The following TNPO1 variants were observed in gnomAD, a reference collection of about 807,000 sequenced individuals.
TNPO1 encodes transportin 1.
A neutral mutation model predicts 119.5 loss-of-function variants in TNPO1; 8 were observed. That is an observed-to-expected ratio of 0.07 (90% CI 0.04 to 0.12). The LOEUF is 0.12. TNPO1 is among the 10% of genes least tolerant of loss of function. TNPO1 has a pLI of 1.00. For missense variants in TNPO1, 576 were observed against 1,089.8 expected, an observed-to-expected ratio of 0.53 and a Z score of 6.64; for synonymous variants, 362 against 363.0, an observed-to-expected ratio of 1.00 and a Z score of 0.03.
intron 24 of TNPO1, among the ~76,000 whole-genome samples, chr5:72,907,128 G>T (rs1019725320): frequency 1.3e-5 from 2 of 152,068 alleles, no homozygotes; most frequent in Non-Finnish European, 1.5e-5. Context: ...CATATGTGTT[G>T]TCCTACTTCA....
chr5:72,825,470 G>A (rs1249111357), intron 1 of TNPO1, among the ~76,000 whole-genome samples: 2 of 152,170 alleles, frequency 1.3e-5, no homozygotes, highest in Non-Finnish European at 2.9e-5. Context: ...GGCGGATCAT[G>A]AGGTCAGGAG....
chr5:72,820,112 T>C (rs1256674863), intron 1 of TNPO1, among the ~76,000 whole-genome samples: 1 of 152,240 alleles, frequency 6.6e-6, no homozygotes, highest in African/African-American at 2.4e-5. Context: ...TGAGTAATTT[T>C]GTATTCTCAC....
intron 20 of TNPO1, among the ~76,000 whole-genome samples, chr5:72,898,027 TTTAA>T (rs1449614019): frequency 1.3e-5 from 2 of 152,152 alleles, no homozygotes; most frequent in Non-Finnish European, 2.9e-5. Flanking sequence ...AAGGAAATCT[TTTAA>T]TTATGAAGCA....
intron 4 of TNPO1, among the ~76,000 whole-genome samples, chr5:72,861,454 T>C (rs1040972354): frequency 2.5e-4 from 38 of 152,246 alleles, no homozygotes; most frequent in African/African-American, 8.9e-4. Context: ...CAGGCATGAG[T>C]GTGGTCTCAT....
chr5:72,819,902 AC>A (rs1743878928), intron 1 of TNPO1, among the ~76,000 whole-genome samples: 1 of 152,228 alleles, frequency 6.6e-6, no homozygotes, highest in Non-Finnish European at 1.5e-5. Context: ...ACATGTATTA[AC>A]TTTTCTATAA....
intron 6 of TNPO1, among the ~76,000 whole-genome samples, chr5:72,870,158 CTTTTTTTT>C (rs200118076): frequency 6.6e-5 from 7 of 106,174 alleles, no homozygotes; most frequent in Non-Finnish European, 1.2e-4. Context: ...ATACTAATTG[CTTTTTTTT>C]TTTTTTTTTT....
intron 1 of TNPO1, among the ~76,000 whole-genome samples, chr5:72,826,175 A>G (rs1744198711): frequency 6.6e-6 from 1 of 151,930 alleles, no homozygotes; most frequent in African/African-American, 2.4e-5. Context: ...ACCCTGTTTA[A>G]TACTATATTC....
At chr5:72,907,490 C>T (rs1253522930) in intron 24 of TNPO1, among the ~76,000 whole-genome samples, 5 of 152,112 alleles carry the variant, frequency 3.3e-5, no homozygotes, top group African/African-American at 1.2e-4. Context: ...GGATTAACTG[C>T]CCTCTGTGAA....
intron 18 of TNPO1, among the ~76,000 whole-genome samples, chr5:72,894,275 T>C (rs960031187): frequency 2.0e-5 from 3 of 152,066 alleles, no homozygotes; most frequent in Non-Finnish European, 4.4e-5. Flanking sequence ...TGATAAGAAA[T>C]TCCTTGAATG....
At chr5:72,816,810 G>A (rs1743712014) in intron 1 of TNPO1, 58 bp downstream of exon 1, 1 of 1,538,436 alleles carries the variant, frequency 6.5e-7, no homozygotes. Flanking sequence ...GAGGCTGGGA[G>A]CGCCGAGCTG....
intron 11 of TNPO1, among the ~76,000 whole-genome samples, chr5:72,884,026 A>G (rs1180897063): frequency 6.6e-6 from 1 of 152,100 alleles, no homozygotes; most frequent in Non-Finnish European, 1.5e-5. Flanking sequence ...CTAGGATTAC[A>G]GGCGTAAGCC....
chr5:72,832,399 C>A (rs773053543), intron 1 of TNPO1, among the ~76,000 whole-genome samples: 7 of 152,044 alleles, frequency 4.6e-5, no homozygotes, highest in Non-Finnish European at 4.4e-5. Flanking sequence ...TGCTACTATT[C>A]GTTCTATATT....
At chr5:72,825,273 TCTC>T (rs1297707510) in intron 1 of TNPO1, among the ~76,000 whole-genome samples, 1 of 152,178 alleles carries the variant, frequency 6.6e-6, no homozygotes, top group Non-Finnish European at 1.5e-5. Flanking sequence ...CCCTGTCACT[TCTC>T]CTGCAATGGC....
chr5:72,901,654 C>G (rs1749802812), intron 22 of TNPO1, among the ~76,000 whole-genome samples: 1 of 152,092 alleles, frequency 6.6e-6, no homozygotes, highest in Admixed American at 6.5e-5. Flanking sequence ...TGCCAATTTT[C>G]TAGACACACA....
chr5:72,905,240 A>ATC, intron 23 of TNPO1, 63 bp from the exon 24 acceptor site: 2 of 1,221,676 alleles, frequency 1.6e-6, no homozygotes, highest in Non-Finnish European at 2.4e-6. Context: ...TGGATTTCAG[A>ATC]AGCTATGCTG....
At chr5:72,868,103 T>A (rs1241373448) in intron 6 of TNPO1, among the ~76,000 whole-genome samples, 5 of 152,188 alleles carry the variant, frequency 3.3e-5, no homozygotes, top group African/African-American at 7.2e-5. Context: ...TTGTCTTTAC[T>A]AAGAGTTTAA....
intron 13 of TNPO1, among the ~76,000 whole-genome samples, chr5:72,889,146 C>T (rs1748869334): frequency 6.6e-6 from 1 of 152,144 alleles, no homozygotes. Context: ...TAACCTCCGC[C>T]TCTCGGGTTC....
At chr5:72,898,044 T>C (rs1461183282) in intron 20 of TNPO1, among the ~76,000 whole-genome samples, 1 of 152,130 alleles carries the variant, frequency 6.6e-6, no homozygotes, top group Non-Finnish European at 1.5e-5. Flanking sequence ...ATGAAGCAGT[T>C]ATCTGGCTGT....
At chr5:72,879,815 A>G (rs1331794934) in intron 9 of TNPO1, among the ~76,000 whole-genome samples, 1 of 151,812 alleles carries the variant, frequency 6.6e-6, no homozygotes, top group African/African-American at 2.4e-5. Context: ...GCCTAGTATA[A>G]TACGAGCAAA....
Sources: allele counts gnomAD v4.1 joint callset (sites outside exome capture counted in the v4.1 genomes callset), GRCh38; gene constraint gnomAD v4.1.1; transcripts MANE v1.5; gene names NCBI Gene and HGNC (gene_info 2026-07-23, HGNC 2026-07-21).